The following CHST15 variants were observed in gnomAD, a reference collection of about 807,000 sequenced individuals.
CHST15 encodes carbohydrate sulfotransferase 15.
In CHST15, 30 loss-of-function variants were observed where a neutral mutation model predicts 53.6. The observed-to-expected ratio is 0.56, with a 90% CI of 0.42 to 0.76. CHST15 has a LOEUF of 0.76. Among genes scored for constraint, CHST15 ranks in the 30% least tolerant of loss-of-function variants. CHST15 has a pLI of 0.00. For missense variants in CHST15, 627 were observed against 740.5 expected, an observed-to-expected ratio of 0.85 and a Z score of 1.78; for synonymous variants, 296 against 289.8, an observed-to-expected ratio of 1.02 and a Z score of -0.22.
rs777762936 is a variant in CHST15 at position 124,036,469 on chromosome 10, G to T, written c.1190+2046C>A. Among the ~76,000 whole-genome samples the T allele has an allele frequency of 6.6e-6, 1 of 152,114 alleles. No homozygotes were observed. Among genetic ancestry groups the T allele is most frequent in the East Asian group, 1.9e-4 (1 of 5,186 alleles). The stretch of plus-strand genomic sequence containing the variant: ...GCCACCAAGAGCTCAGGCTCAGAGC[G>T]CTGGGGCTGAGGGAGGGCAGATCCA... On this transcript the variant is annotated intron_variant, in intron 5 of 7. Coordinates refer to ENST00000435907, the MANE Select transcript of CHST15 (RefSeq NM_001270764.2). This position sits in a 1 kb window ranked among gnomAD's most constrained non-coding sequence, Gnocchi z 5.1.
intron 1 of CHST15, among the ~76,000 whole-genome samples, chr10:124,080,020 C>T (rs532451919): frequency 3.9e-5 from 6 of 152,200 alleles, no homozygotes; most frequent in Non-Finnish European, 8.8e-5. Context: ...ATAAAAATAA[C>T]TCTGCCTCCC....
intron 6 of CHST15, among the ~76,000 whole-genome samples, chr10:124,018,968 A>C (rs1946677982): frequency 6.6e-6 from 1 of 152,192 alleles, no homozygotes; most frequent in Non-Finnish European, 1.5e-5. Flanking sequence ...GTCCGCGAGC[A>C]CGTTCCCCGA....
intron 1 of CHST15, among the ~76,000 whole-genome samples, chr10:124,080,612 G>T (rs527546570): frequency 2.0e-5 from 3 of 152,214 alleles, no homozygotes; most frequent in South Asian, 4.1e-4. Flanking sequence ...TCACTGGAGG[G>T]TGACTCTCAA....
chr10:124,014,095 T>C (rs1001386580), intron 6 of CHST15, among the ~76,000 whole-genome samples: 2 of 152,228 alleles, frequency 1.3e-5, no homozygotes, highest in African/African-American at 2.4e-5. Flanking sequence ...CTCTCATACA[T>C]GCAGCACTTC....
At chr10:124,021,657 G>A (rs1440099062) in intron 5 of CHST15, among the ~76,000 whole-genome samples, 1 of 152,068 alleles carries the variant, frequency 6.6e-6, no homozygotes, top group Non-Finnish European at 1.5e-5. Flanking sequence ...ACCACCAGCC[G>A]CTTTTATGGT....
At chr10:124,046,885 G>A (rs1380477585) in intron 1 of CHST15, among the ~76,000 whole-genome samples, 161 bp from the exon 2 acceptor site, 1 of 152,172 alleles carries the variant, frequency 6.6e-6, no homozygotes, top group Non-Finnish European at 1.5e-5. Flanking sequence ...GAGCATAAAG[G>A]AAGAGGTTTC....
chr10:124,014,650 C>A (rs1296156816), intron 6 of CHST15, among the ~76,000 whole-genome samples: 3 of 152,170 alleles, frequency 2.0e-5, no homozygotes, highest in Non-Finnish European at 4.4e-5. Context: ...CCCTGGCAGG[C>A]TTGTAGGCCG....
chr10:124,057,996 C>T (rs1948438516), intron 1 of CHST15, among the ~76,000 whole-genome samples: 1 of 152,146 alleles, frequency 6.6e-6, no homozygotes, highest in African/African-American at 2.4e-5. Flanking sequence ...TCAATGTGCA[C>T]AAAAGACTCT....
Position 124,009,805 on chromosome 10 carries a change from G to A in CHST15, c.*344C>T, listed in dbSNP as rs546121988. On this transcript the variant is annotated 3_prime_UTR_variant, in exon 8 of 8. Coordinates refer to ENST00000435907, the MANE Select transcript of CHST15 (RefSeq NM_001270764.2). ...AGAACCCAGAGGCTCTCCAGAAGGC[G>A]GAGGCGGGCAGGGCCAGGCTGCCTT... 8.3e-6 allele frequency: 9 copies of A among 1,079,546 alleles called. No homozygotes were observed. In the Admixed American group the frequency reaches 1.5e-4, roughly 18 times the overall value. The allele number at this position is 1,079,546 out of a possible 1,614,324, so 66.9% of individuals were successfully genotyped here.
At chr10:124,037,885 C>A (rs1042480850) in intron 5 of CHST15, among the ~76,000 whole-genome samples, 5 of 152,168 alleles carry the variant, frequency 3.3e-5, no homozygotes, top group Non-Finnish European at 5.9e-5. Context: ...AGCTTACACC[C>A]CTGATTCTAA....
chr10:124,056,503 A>G (rs1213782086), intron 1 of CHST15, among the ~76,000 whole-genome samples: 1 of 152,124 alleles, frequency 6.6e-6, no homozygotes, highest in East Asian at 1.9e-4. Flanking sequence ...GGGATGGGGG[A>G]ACGGAGATGT....
intron 1 of CHST15, among the ~76,000 whole-genome samples, chr10:124,088,210 G>A (rs890545266): frequency 9.9e-5 from 15 of 152,228 alleles, no homozygotes; most frequent in Non-Finnish European, 1.9e-4. Flanking sequence ...AGTCTTCCCG[G>A]AACACTCCAA....
In CHST15 at chr10:124,068,408, G is replaced by A. The variant is rs189622460; in HGVS notation, c.-512-21684C>T. 1.6e-4 allele frequency among the ~76,000 whole-genome samples: 25 copies of A among 152,046 alleles called. No homozygotes were observed. In the East Asian group the frequency reaches 4.4e-3, roughly 27 times the overall value. Reference sequence around the variant, plus strand: ...AGCACCAAGCAAGGACAGGGCACCTGGGAAGTTCAGGAATCGTTGGCAGTG... The same window carrying A: ...AGCACCAAGCAAGGACAGGGCACCTAGGAAGTTCAGGAATCGTTGGCAGTG... On this transcript the variant is annotated intron_variant, in intron 1 of 7. Transcript: ENST00000435907.
intron 1 of CHST15, among the ~76,000 whole-genome samples, chr10:124,087,360 C>T (rs895516131): frequency 2.0e-5 from 3 of 152,130 alleles, no homozygotes; most frequent in Non-Finnish European, 2.9e-5. Flanking sequence ...TCTTTTTGAC[C>T]ACAGGGAGCA....
At chr10:124,080,622 A>G (rs2134209960) in intron 1 of CHST15, among the ~76,000 whole-genome samples, 2 of 149,994 alleles carry the variant, frequency 1.3e-5, no homozygotes, top group Middle Eastern at 6.8e-3. Flanking sequence ...GTGACTCTCA[A>G]GAGGATGTGC....
rs748363751 is a variant in CHST15, at chr10:124,009,861, G to A, written c.*288C>T. On this transcript the variant is annotated 3_prime_UTR_variant, in exon 8 of 8. Coordinates refer to ENST00000435907, the MANE Select transcript of CHST15 (RefSeq NM_001270764.2). ...GGTGTTCTCTCCACACCCAGTGCAG[G>A]CCAGCTGGCTGCATCCCCAAGCTCC... 15 of 1,229,836 alleles carry A rather than the reference G, an allele frequency of 1.2e-5. No homozygotes were observed. In the South Asian group the frequency reaches 1.4e-4, roughly 11 times the overall value. 76.2% of individuals were successfully genotyped at this position (1,229,836 alleles called of 1,614,324 possible). A position where few individuals can be genotyped will look rare whatever the true frequency, so the allele number is the denominator to read the frequency against.
Position 124,036,356 on chromosome 10 carries a change from A to G in CHST15, c.1190+2159T>C, listed in dbSNP as rs1428930055. On this transcript the variant is annotated intron_variant, in intron 5 of 7. Transcript: ENST00000435907. The surrounding 1 kb of genome is among the most constrained non-coding windows in gnomAD (Gnocchi z 5.1). ...GGCAAGTCAGTGCCTGCCTCAGAAC[A>G]GAGTGGAAGAAGTCCTGGGCTGGGA... is the stretch of plus-strand genomic sequence containing the variant. Among the ~76,000 whole-genome samples the G allele has an allele frequency of 3.3e-5, 5 of 152,208 alleles. No individual in the cohort carries two copies. Among genetic ancestry groups the G allele is most frequent in the Admixed American group, 3.3e-4 (5 of 15,282 alleles).
At chr10:124,016,016 G>T (rs1808908066) in intron 6 of CHST15, among the ~76,000 whole-genome samples, 1 of 152,172 alleles carries the variant, frequency 6.6e-6, no homozygotes, top group East Asian at 1.9e-4. Context: ...TTCTGATTCA[G>T]GAGGTCTGGG....
At chr10:124,026,153 GTCAT>G (rs1946998138) in intron 5 of CHST15, among the ~76,000 whole-genome samples, 1 of 152,220 alleles carries the variant, frequency 6.6e-6, no homozygotes, top group Non-Finnish European at 1.5e-5. Flanking sequence ...GAGGACTGGG[GTCAT>G]GTGGCCACAT....
Sources: allele counts gnomAD v4.1 joint callset (sites outside exome capture counted in the v4.1 genomes callset), GRCh38; gene constraint gnomAD v4.1.1; non-coding constraint Gnocchi (gnomAD v3.1); transcripts MANE v1.5; gene names NCBI Gene and HGNC (gene_info 2026-07-23, HGNC 2026-07-21).